Variants in DCC observed in about 807,000 individuals in gnomAD.
DCC encodes DCC netrin 1 receptor.
Under a neutral mutation model 172.5 loss-of-function variants are expected in DCC, and 58 were observed. The observed-to-expected ratio is 0.34, with a 90% confidence interval of 0.27 to 0.42. The LOEUF is 0.42. DCC is among the 10% of genes least tolerant of loss of function. The pLI, the probability that DCC is intolerant of heterozygous loss-of-function variation, is 1.00. For synonymous variants in DCC, 709 were observed against 644.5 expected, an observed-to-expected ratio of 1.10 and a Z score of -1.52; for missense variants, 1,740 against 1,791.0, an observed-to-expected ratio of 0.97 and a Z score of 0.51.
chr18:53,429,104 T>TAATATATATATTTTATATATATATA, intron 21 of DCC, among the ~76,000 whole-genome samples: 2 of 91,706 alleles, frequency 2.2e-5, no homozygotes, highest in African/African-American at 6.9e-5. Flanking sequence ...ATTTTATATA[T>TAATATATATATTTTATATATATATA]AATATATATA....
At chr18:53,098,480 G>A (rs2043118279) in intron 7 of DCC, among the ~76,000 whole-genome samples, 1 of 152,034 alleles carries the variant, frequency 6.6e-6, no homozygotes, top group South Asian at 2.1e-4. Context: ...TTACAAGCCA[G>A]TCACTTCATA....
chr18:52,544,422 T>G lies in DCC; in HGVS notation c.91+203544T>G, dbSNP rs1234673644. ...CCCATTGGCATTTCCTTCCAGGTAG[T>G]TTTTTTTTCTGTTTTTCTTTCTTTC... is the stretch of plus-strand genomic sequence containing the variant. On this transcript the variant is annotated intron_variant, in intron 1 of 28. Transcript: ENST00000442544. 3.6e-5 allele frequency among the ~76,000 whole-genome samples: 5 copies of G among 137,486 alleles called. No individual in the cohort carries two copies. The East Asian group carries it at 1.1e-3, about 30-fold the overall frequency. The allele number at this position is 137,486 out of a possible 152,430, so 90.2% of individuals were successfully genotyped here.
chr18:53,051,025 T>C (rs1021886977), intron 5 of DCC, among the ~76,000 whole-genome samples: 3 of 152,056 alleles, frequency 2.0e-5, no homozygotes, highest in Non-Finnish European at 4.4e-5. Flanking sequence ...AGCCCAGAAG[T>C]TCAAGACAAA....
At chr18:52,603,203 G>A (rs1302557187) in intron 1 of DCC, among the ~76,000 whole-genome samples, 2 of 152,092 alleles carry the variant, frequency 1.3e-5, no homozygotes, top group East Asian at 3.9e-4. Flanking sequence ...TGACTATAGG[G>A]AAACCAAGAC....
rs540475508 is a variant in DCC at position 53,267,685 on chromosome 18, C to T, written c.1912-37893C>T. Among the ~76,000 whole-genome samples the T allele has an allele frequency of 1.4e-4, 21 of 152,144 alleles. No individual in the cohort carries two copies. The South Asian group carries it at 2.1e-3, about 15-fold the overall frequency. On this transcript the variant is annotated intron_variant, in intron 12 of 28. Coordinates refer to ENST00000442544, the MANE Select transcript of DCC (RefSeq NM_005215.4). ...CACACCATCATGCCCAGGCTAGCCT[C>T]GAACTTCTGGGCTCAAGCAATCCTC... is the stretch of plus-strand genomic sequence containing the variant.
chr18:52,365,960 T>C (rs1023785485), intron 1 of DCC, among the ~76,000 whole-genome samples: 1 of 152,202 alleles, frequency 6.6e-6, no homozygotes, highest in Non-Finnish European at 1.5e-5. Flanking sequence ...TCTTACCGCT[T>C]GATCACACAC....
intron 8 of DCC, among the ~76,000 whole-genome samples, chr18:53,174,170 A>C (rs1211917296): frequency 6.9e-6 from 1 of 145,618 alleles, no homozygotes; most frequent in African/African-American, 2.6e-5. Context: ...TCTGGGACGC[A>C]TTCAAAGCAG....
chr18:52,393,157 G>T (rs1400543604), intron 1 of DCC, among the ~76,000 whole-genome samples: 1 of 151,976 alleles, frequency 6.6e-6, no homozygotes, highest in Non-Finnish European at 1.5e-5. Context: ...GTGTGATCAT[G>T]GTTCAGTCAT....
chr18:53,480,306 C>T (rs2045816897), intron 25 of DCC, among the ~76,000 whole-genome samples: 1 of 152,180 alleles, frequency 6.6e-6, no homozygotes, highest in African/African-American at 2.4e-5. Context: ...AGCCAGTCCA[C>T]ATTCTGTCTC....
At chr18:53,049,250 C>A (rs902242059) in intron 5 of DCC, among the ~76,000 whole-genome samples, 3 of 152,016 alleles carry the variant, frequency 2.0e-5, no homozygotes, top group African/African-American at 7.2e-5. Context: ...ATCCTGAAAT[C>A]TTTGCCAGGT....
chr18:53,223,565 A>T (rs17488316), intron 12 of DCC, among the ~76,000 whole-genome samples: 53,768 of 151,850 alleles, frequency 0.35, 10,737 homozygotes, highest in Non-Finnish European at 0.46. Flanking sequence ...TCTAGTGATA[A>T]GGTCTCTGAT....
intron 5 of DCC, among the ~76,000 whole-genome samples, chr18:53,033,827 T>C (rs1204701857): frequency 6.6e-6 from 1 of 152,154 alleles, no homozygotes; most frequent in Non-Finnish European, 1.5e-5. Flanking sequence ...CTGTCTTCAC[T>C]TTCTTTTCTA....
rs1015379527 is a variant in DCC at position 52,340,408 on chromosome 18, C to T, written c.-380C>T. The T allele has an allele frequency of 5.5e-5, 16 of 292,904 alleles. No homozygotes were observed. Among genetic ancestry groups the T allele is most frequent in the African/African-American group, 3.2e-4 (15 of 46,892 alleles). 18.1% of individuals were successfully genotyped at this position (292,904 alleles called of 1,614,324 possible). Reference sequence around the variant, plus strand: ...ACAGCCCGGCCACAGGATTGCCTTCCATCTCCTCTTGGTCCCTCCTGGATG... The same window carrying T: ...ACAGCCCGGCCACAGGATTGCCTTCTATCTCCTCTTGGTCCCTCCTGGATG... On this transcript the variant is annotated 5_prime_UTR_variant, in exon 1 of 29. Coordinates refer to ENST00000442544, the MANE Select transcript of DCC (RefSeq NM_005215.4).
At chr18:53,359,637 C>G (rs942764756) in intron 15 of DCC, among the ~76,000 whole-genome samples, 24 of 152,144 alleles carry the variant, frequency 1.6e-4, no homozygotes, top group African/African-American at 5.8e-4. Flanking sequence ...CTCTTCCCCT[C>G]TTCACAATGT....
intron 21 of DCC, among the ~76,000 whole-genome samples, chr18:53,429,924 G>A (rs10163838): frequency 0.43 from 65,659 of 151,896 alleles, 15,975 homozygotes; most frequent in Non-Finnish European, 0.56. Flanking sequence ...TATCCTACGT[G>A]TTGGTTATGA....
At chr18:53,334,410 A>G (rs1030414846) in intron 14 of DCC, among the ~76,000 whole-genome samples, 2 of 152,172 alleles carry the variant, frequency 1.3e-5, no homozygotes, top group Admixed American at 6.5e-5. Flanking sequence ...ATTGTTTACA[A>G]TTATGGAAAA....
intron 1 of DCC, among the ~76,000 whole-genome samples, chr18:52,593,088 A>T (rs1005160034): frequency 9.9e-5 from 15 of 152,224 alleles, no homozygotes; most frequent in African/African-American, 3.1e-4. Context: ...CAATAGATTC[A>T]TGGCTGGGTC....
At chr18:53,054,874 T>C (rs1457090707) in intron 5 of DCC, among the ~76,000 whole-genome samples, 8 of 152,158 alleles carry the variant, frequency 5.3e-5, no homozygotes, top group African/African-American at 1.9e-4. Context: ...TCTAACATTT[T>C]ATTTCTCTAG....
At chr18:52,774,974 A>G (rs555937427) in intron 2 of DCC, among the ~76,000 whole-genome samples, 35 of 152,318 alleles carry the variant, frequency 2.3e-4, no homozygotes, top group African/African-American at 7.5e-4. Flanking sequence ...GAAAAGAGAG[A>G]AAGTCTGGGG....
Sources: gnomAD v4.1 joint callset for allele counts (sites outside exome capture counted in the v4.1 genomes callset) on GRCh38, gnomAD v4.1.1 for gene constraint, MANE v1.5 for transcripts, NCBI Gene and HGNC (gene_info 2026-07-23, HGNC 2026-07-21) for gene names.